SNTB1: variants seen among roughly 807,000 people sequenced by gnomAD.
The protein encoded by SNTB1 is beta-1-syntrophin.
In SNTB1, 36 loss-of-function variants were observed where a neutral mutation model predicts 48.9. The observed-to-expected ratio is 0.74, with a 90% CI of 0.56 to 0.97. The LOEUF is 0.97. Among genes scored for constraint, SNTB1 ranks in the 50% least tolerant of loss-of-function variants. The pLI, the probability that SNTB1 is intolerant of heterozygous loss-of-function variation, is 0.00. For missense variants in SNTB1, 786 were observed against 703.4 expected, an observed-to-expected ratio of 1.12 and a Z score of -1.33; for synonymous variants, 299 against 294.6, an observed-to-expected ratio of 1.01 and a Z score of -0.15.
At chr8:120,623,299 T>C (rs991506682) in intron 3 of SNTB1, among the ~76,000 whole-genome samples, 1 of 152,328 alleles carries the variant, frequency 6.6e-6, no homozygotes, top group East Asian at 1.9e-4. Flanking sequence ...GAGCCTCACA[T>C]GTTTCCAAAA....
chr8:120,781,599 A>T (rs1587158285), intron 1 of SNTB1, among the ~76,000 whole-genome samples: 1 of 152,228 alleles, frequency 6.6e-6, no homozygotes, highest in Non-Finnish European at 1.5e-5. Flanking sequence ...GCCATGGAGC[A>T]TAGAGTCAAA....
chr8:120,703,810 TAAC>T (rs762069079), intron 1 of SNTB1, among the ~76,000 whole-genome samples: 12 of 152,272 alleles, frequency 7.9e-5, no homozygotes, highest in South Asian at 4.1e-4. Flanking sequence ...TTTAAAACAA[TAAC>T]AACAACTAGC....
chr8:120,811,594 G>T lies in SNTB1; in HGVS notation c.250C>A (p.Pro84Thr), dbSNP rs1488739765. The T allele has an allele frequency of 1.9e-6, 3 of 1,567,466 alleles. No homozygotes were observed. Among genetic ancestry groups the T allele is most frequent in the Admixed American group, 1.9e-5 (1 of 52,102 alleles). ...AGHPGAGGAQ[P>T]PDSPAGVRTA... ...CGGACCCCGGCGGGCGAGTCCGGGG[G>T]CTGCGCGCCGCCCGCGCCCGGGTGC... The change falls in exon 1 of 7, where the codon CCC becomes ACC. Residue 84 changes from proline (P) to threonine (T), a missense_variant. Pro to Thr is a conservative substitution (Grantham distance 38). Coordinates refer to ENST00000517992, the MANE Select transcript of SNTB1 (RefSeq NM_021021.4).
chr8:120,777,506 T>C (rs1203303573), intron 1 of SNTB1, among the ~76,000 whole-genome samples: 2 of 152,228 alleles, frequency 1.3e-5, no homozygotes, highest in African/African-American at 4.8e-5. Context: ...TTCTCCCAAT[T>C]TGCCATGGAT....
rs1469908264 is a variant in SNTB1 at position 120,772,926 on chromosome 8, C to T, written c.571+38347G>A. 2.0e-5 allele frequency among the ~76,000 whole-genome samples: 3 copies of T among 152,112 alleles called. No individual in the cohort carries two copies. In the East Asian group the frequency reaches 5.8e-4, roughly 29 times the overall value. ...TAACACACTATTCAATGAAAGCCCC[C>T]ACAACAAGTGTGCTACTGTTGGTGG... On this transcript the variant is annotated intron_variant, in intron 1 of 6. Transcript: ENST00000517992.
chr8:120,763,884 TG>T (rs1474423035), intron 1 of SNTB1, among the ~76,000 whole-genome samples: 15 of 152,228 alleles, frequency 9.9e-5, no homozygotes, highest in African/African-American at 3.6e-4. Flanking sequence ...CTTGAACTCC[TG>T]GGGTCAAACG....
At position 120,749,092 on chromosome 8, in the gene SNTB1, T is replaced by C. The variant is rs556108449; in HGVS notation, c.572-55184A>G. ...TTATAATGACTTATAACAGTGGTTA[T>C]AATAATAATCTTCTAGTTTGCCTGA... is the stretch of plus-strand genomic sequence containing the variant. On this transcript the variant is annotated intron_variant, in intron 1 of 6. Coordinates refer to ENST00000517992, the MANE Select transcript of SNTB1 (RefSeq NM_021021.4). Among the ~76,000 whole-genome samples, 6 of 152,328 alleles carry C rather than the reference T, an allele frequency of 3.9e-5. No individual in the cohort carries two copies. The South Asian group carries it at 1.2e-3, about 32-fold the overall frequency.
chr8:120,800,581 G>T (rs1262454475), intron 1 of SNTB1, among the ~76,000 whole-genome samples: 2 of 152,066 alleles, frequency 1.3e-5, no homozygotes, highest in Non-Finnish European at 2.9e-5. Flanking sequence ...AGACCTAGAT[G>T]GGACCAGTCC....
At chr8:120,561,319 C>CAAAA (rs1221884195) in intron 4 of SNTB1, among the ~76,000 whole-genome samples, 4 of 45,654 alleles carry the variant, frequency 8.8e-5, no homozygotes, top group Non-Finnish European at 1.2e-4. Context: ...AACTCCATCT[C>CAAAA]AAAAAAAAAA....
chr8:120,686,220 C>T (rs1818030360), intron 2 of SNTB1, among the ~76,000 whole-genome samples: 1 of 152,244 alleles, frequency 6.6e-6, no homozygotes, highest in Non-Finnish European at 1.5e-5. Context: ...ACCACTTCTA[C>T]ATTTTTAGGT....
chr8:120,781,604 G>A (rs1355694777), intron 1 of SNTB1, among the ~76,000 whole-genome samples: 1 of 152,212 alleles, frequency 6.6e-6, no homozygotes, highest in Non-Finnish European at 1.5e-5. Context: ...GGAGCATAGA[G>A]TCAAAGCAAG....
chr8:120,584,496 A>T (rs1218666025), intron 3 of SNTB1, among the ~76,000 whole-genome samples: 1 of 151,800 alleles, frequency 6.6e-6, no homozygotes, highest in Admixed American at 6.6e-5. Context: ...TAAGAGAAAA[A>T]AGTTTAGGGA....
intron 2 of SNTB1, among the ~76,000 whole-genome samples, chr8:120,672,793 G>A (rs1291119774): frequency 6.6e-6 from 1 of 152,190 alleles, no homozygotes; most frequent in African/African-American, 2.4e-5. Context: ...GCTGTCCTGG[G>A]ACAGTTTGCC....
intron 3 of SNTB1, among the ~76,000 whole-genome samples, chr8:120,630,104 A>T (rs745468364): frequency 2.0e-4 from 30 of 152,254 alleles, no homozygotes; most frequent in Non-Finnish European, 4.4e-5. Context: ...TGGTAGATGC[A>T]GGGTTGCATG....
chr8:120,545,822 A>T (rs1163643894), intron 5 of SNTB1, among the ~76,000 whole-genome samples: 4 of 152,248 alleles, frequency 2.6e-5, no homozygotes. Flanking sequence ...TAAAGCTAGC[A>T]TATTGGGCAG....
chr8:120,792,794 A>AT (rs1820059264), intron 1 of SNTB1, among the ~76,000 whole-genome samples: 1 of 152,040 alleles, frequency 6.6e-6, no homozygotes, highest in Non-Finnish European at 1.5e-5. Context: ...CCTGATTCAC[A>AT]TAAGAAGTCC....
At chr8:120,800,336 G>C (rs775999772) in intron 1 of SNTB1, among the ~76,000 whole-genome samples, 2 of 152,078 alleles carry the variant, frequency 1.3e-5, no homozygotes, top group Non-Finnish European at 2.9e-5. Flanking sequence ...AGTAACTCTG[G>C]AAAGTGCTGA....
intron 1 of SNTB1, among the ~76,000 whole-genome samples, chr8:120,802,018 T>C (rs10100219): frequency 0.14 from 21,846 of 152,078 alleles, 2,639 homozygotes; most frequent in African/African-American, 0.33. Flanking sequence ...CTTTAAGCAA[T>C]TATCTTATTA....
chr8:120,683,124 A>G (rs1322949265), intron 2 of SNTB1, among the ~76,000 whole-genome samples: 6 of 151,964 alleles, frequency 3.9e-5, no homozygotes, highest in South Asian at 2.1e-4. Flanking sequence ...CTCGTGATCC[A>G]CCCACCTCGG....
Sources: allele counts gnomAD v4.1 joint callset (sites outside exome capture counted in the v4.1 genomes callset), GRCh38; gene constraint gnomAD v4.1.1; transcripts MANE v1.5; gene names NCBI Gene and HGNC (gene_info 2026-07-23, HGNC 2026-07-21).